GRM8: variants seen among roughly 807,000 people sequenced by gnomAD.
GRM8 encodes glutamate metabotropic receptor 8, also known as metabotropic glutamate receptor 8.
In GRM8, 47 loss-of-function variants were observed where a neutral mutation model predicts 87.2. The ratio of observed to expected loss-of-function variants is 0.54; its 90% CI spans 0.43 to 0.69. The LOEUF (loss-of-function observed/expected upper bound fraction) is 0.69, where lower values mean the gene tolerates loss of function less well. GRM8 is among the 30% of genes least tolerant of loss of function. The pLI is 0.00. For missense variants in GRM8, 1,019 were observed against 1,139.2 expected (o/e 0.89, Z 1.52); for synonymous variants, 396 against 404.5 (o/e 0.98, Z 0.25).
intron 7 of GRM8, among the ~76,000 whole-genome samples, chr7:126,639,991 T>G (rs946083549): frequency 6.6e-6 from 1 of 152,162 alleles, no homozygotes; most frequent in African/African-American, 2.4e-5. Context: ...AAGCACTCCA[T>G]GTGGTTCAAA....
chr7:126,446,402 T>C (rs1277606865), intron 9 of GRM8, 30 bp from the exon 10 acceptor site: 11 of 1,474,042 alleles, frequency 7.5e-6, no homozygotes, highest in Non-Finnish European at 8.4e-6. Flanking sequence ...AGAATCACTG[T>C]TGGTAAGCCT....
chr7:126,982,518 C>T (rs183901050), intron 3 of GRM8, among the ~76,000 whole-genome samples: 1 of 152,302 alleles, frequency 6.6e-6, no homozygotes, highest in East Asian at 1.9e-4. Context: ...ATCCTTTATA[C>T]AACTAGAAAC....
intron 7 of GRM8, among the ~76,000 whole-genome samples, chr7:126,650,317 T>A (rs1029776868): frequency 6.6e-6 from 1 of 152,166 alleles, no homozygotes; most frequent in African/African-American, 2.4e-5. Flanking sequence ...AATGGCCTCA[T>A]GGGGAGTTCC....
chr7:126,512,095 A>G (rs901503882), intron 9 of GRM8: 8 of 152,054 alleles, frequency 5.3e-5, no homozygotes, highest in African/African-American at 1.9e-4. Flanking sequence ...TGGAGGAGAG[A>G]AACATAGCAA....
At chr7:127,024,603 C>T (rs1480032974) in intron 3 of GRM8, among the ~76,000 whole-genome samples, 1 of 152,202 alleles carries the variant, frequency 6.6e-6, no homozygotes, top group Non-Finnish European at 1.5e-5. Flanking sequence ...CCTCCAGAGA[C>T]TTCACACTGA....
chr7:126,797,077 A>G (rs1822034956), intron 6 of GRM8, among the ~76,000 whole-genome samples: 1 of 152,106 alleles, frequency 6.6e-6, no homozygotes, highest in Non-Finnish European at 1.5e-5. Flanking sequence ...TAAAAATAAA[A>G]GTTCAAACTG....
At chr7:126,911,206 T>C (rs1281552695) in intron 3 of GRM8, among the ~76,000 whole-genome samples, 1 of 152,212 alleles carries the variant, frequency 6.6e-6, no homozygotes, top group African/African-American at 2.4e-5. Flanking sequence ...TGAAAAGTGA[T>C]ACTTGCTCAC....
At chr7:127,135,551 C>G (rs17875059) in intron 2 of GRM8, among the ~76,000 whole-genome samples, 15,459 of 74,804 alleles carry the variant, frequency 0.21, 891 homozygotes, top group African/African-American at 0.28. Flanking sequence ...TCAGAGTTGA[C>G]AGCTTAAGAA....
chr7:126,658,795 G>A (rs1051784135), intron 7 of GRM8, among the ~76,000 whole-genome samples: 2 of 151,878 alleles, frequency 1.3e-5, no homozygotes, highest in Admixed American at 6.6e-5. Context: ...GTCTTCTGCC[G>A]GGCCCGCCCA....
At chr7:126,584,940 A>G (rs1178436066) in intron 8 of GRM8, among the ~76,000 whole-genome samples, 6 of 152,208 alleles carry the variant, frequency 3.9e-5, no homozygotes, top group African/African-American at 1.4e-4. Context: ...TGTTAGTCTT[A>G]GTATTCATAA....
intron 6 of GRM8, among the ~76,000 whole-genome samples, chr7:126,784,333 T>G (rs1227913210): frequency 6.6e-6 from 1 of 152,242 alleles, no homozygotes; most frequent in Non-Finnish European, 1.5e-5. Context: ...TTAAAAATAT[T>G]TTCATCTTTA....
At chr7:126,722,911 TATATA>T (rs1394269010) in intron 7 of GRM8, among the ~76,000 whole-genome samples, 2 of 144,422 alleles carry the variant, frequency 1.4e-5, no homozygotes, top group East Asian at 3.9e-4. Flanking sequence ...TATAATTATA[TATATA>T]ATATGTTATA....
At chr7:126,524,741 G>C (rs1813565065) in intron 9 of GRM8, among the ~76,000 whole-genome samples, 1 of 151,506 alleles carries the variant, frequency 6.6e-6, no homozygotes, top group African/African-American at 2.4e-5. Context: ...TTGCCCTCTA[G>C]ATCTCTGCTC....
At chr7:126,697,015 A>G (rs562144416) in intron 7 of GRM8, among the ~76,000 whole-genome samples, 2 of 152,240 alleles carry the variant, frequency 1.3e-5, no homozygotes, top group African/African-American at 4.8e-5. Flanking sequence ...TGCATAATAT[A>G]TACAAAAGAG....
intron 7 of GRM8, among the ~76,000 whole-genome samples, chr7:126,742,485 G>T (rs35048193): frequency 0.39 from 59,104 of 151,336 alleles, 12,743 homozygotes; most frequent in Non-Finnish European, 0.48. Context: ...TAACCTCACA[G>T]CCCCCACCCC....
At chr7:126,502,270 C>T (rs1297804949) in intron 9 of GRM8, among the ~76,000 whole-genome samples, 1 of 152,018 alleles carries the variant, frequency 6.6e-6, no homozygotes, top group East Asian at 1.9e-4. Context: ...CAGTGACAAG[C>T]TAAGTACCCA....
intron 9 of GRM8, among the ~76,000 whole-genome samples, chr7:126,480,985 G>T (rs553903113): frequency 6.6e-6 from 1 of 152,096 alleles, no homozygotes; most frequent in East Asian, 1.9e-4. Context: ...TAATTTTTAC[G>T]AAAATGATGG....
At chr7:126,499,259 A>G (rs1809267328) in intron 9 of GRM8, among the ~76,000 whole-genome samples, 1 of 151,878 alleles carries the variant, frequency 6.6e-6, no homozygotes, top group African/African-American at 2.4e-5. Context: ...CCACAATGAG[A>G]TGTCACCTTC....
intron 7 of GRM8, among the ~76,000 whole-genome samples, chr7:126,662,022 A>G (rs1805235629): frequency 6.6e-6 from 1 of 152,210 alleles, no homozygotes; most frequent in South Asian, 2.1e-4. Context: ...TACCATGACT[A>G]CATTCCTACT....
Sources: allele counts gnomAD v4.1 joint callset (sites outside exome capture counted in the v4.1 genomes callset), GRCh38; gene constraint gnomAD v4.1.1; transcripts MANE v1.5; gene names NCBI Gene and HGNC (gene_info 2026-07-23, HGNC 2026-07-21).